TTC13: variants seen among roughly 807,000 people sequenced by gnomAD.
TTC13 encodes tetratricopeptide repeat protein 13.
TTC13 carries 62 observed loss-of-function variants against 120.0 expected under a neutral mutation model. The observed-to-expected ratio is 0.52, with a 90% CI of 0.42 to 0.64. The LOEUF (loss-of-function observed/expected upper bound fraction) is 0.64, where lower values mean the gene tolerates loss of function less well. Ranked by LOEUF, TTC13 falls within the 30% of genes least tolerant of loss-of-function variation. TTC13 has a pLI of 0.00. For missense variants in TTC13, 824 were observed against 1,050.2 expected, an observed-to-expected ratio of 0.78 and a Z score of 2.98; for synonymous variants, 384 against 393.5, an observed-to-expected ratio of 0.98 and a Z score of 0.28.
chr1:230,932,139 C>G (rs1283629673), intron 9 of TTC13, among the ~76,000 whole-genome samples: 2 of 152,122 alleles, frequency 1.3e-5, no homozygotes, highest in African/African-American at 4.8e-5. Context: ...TATTCAAACC[C>G]CTCTCCTTGA....
chr1:230,967,431 C>T (rs1677234225), intron 1 of TTC13, among the ~76,000 whole-genome samples: 1 of 151,734 alleles, frequency 6.6e-6, no homozygotes. Flanking sequence ...AACTTTAAAT[C>T]AGGAGAGCTT....
intron 1 of TTC13, among the ~76,000 whole-genome samples, chr1:230,971,287 A>T (rs555698231): frequency 7.1e-6 from 1 of 141,240 alleles, no homozygotes; most frequent in South Asian, 2.4e-4. Flanking sequence ...CAGAGCTTGC[A>T]GTGAGCCGAG....
rs997086820 is a variant in TTC13, at chr1:230,908,736, G to A, written c.2444C>T (p.Ala815Val). 2 of 1,613,376 alleles carry A rather than the reference G, an allele frequency of 1.2e-6. No homozygotes were observed. Among genetic ancestry groups the A allele is most frequent in the Admixed American group, 3.3e-5 (2 of 59,982 alleles). Residue 815 changes from alanine to valine, a missense_variant, in exon 22 of 23, where the codon GCC becomes GTC. Physicochemically the swap from Ala to Val is moderately conservative, Grantham distance 64 (BLOSUM62 0). Transcript: ENST00000366661. ...CCTTTTCAAGTTCATCCAGCTTTTG[G>A]CGACTTTGCTAAAGGCCTCTGAACC... ...APGSEAFSKV[A>V]KSWMNLKSIS... is the part of the protein sequence containing the mutation.
At chr1:230,946,382 A>G (rs1675000402) in intron 4 of TTC13, among the ~76,000 whole-genome samples, 1 of 152,244 alleles carries the variant, frequency 6.6e-6, no homozygotes, top group Non-Finnish European at 1.5e-5. Flanking sequence ...ATCTGCCAGT[A>G]TTATAGAAAA....
intron 1 of TTC13, among the ~76,000 whole-genome samples, chr1:230,968,193 G>T (rs1285810368): frequency 7.8e-6 from 1 of 128,474 alleles, no homozygotes; most frequent in Non-Finnish European, 1.7e-5. Context: ...GTGGGGGGGG[G>T]GCCTTTTTGT....
At chr1:230,916,721 G>A (rs1300762440) in intron 17 of TTC13, among the ~76,000 whole-genome samples, 13 of 152,156 alleles carry the variant, frequency 8.5e-5, no homozygotes, top group Non-Finnish European at 8.8e-5. Context: ...AGCAGAGACT[G>A]ATTTTTCTGA....
At chr1:230,929,260 G>A (rs1217017454) in intron 11 of TTC13, among the ~76,000 whole-genome samples, 167 bp from the exon 12 acceptor site, 1 of 151,900 alleles carries the variant, frequency 6.6e-6, no homozygotes, top group African/African-American at 2.4e-5. Context: ...GAGGTAACCT[G>A]CCACTGACTT....
intron 15 of TTC13, among the ~76,000 whole-genome samples, chr1:230,922,231 C>T (rs745985689): frequency 3.3e-5 from 5 of 152,304 alleles, no homozygotes; most frequent in Middle Eastern, 3.4e-3. Flanking sequence ...CCTCTAGCTC[C>T]ATGCCCTTCC....
At chr1:230,957,768 AT>A (rs1358303290) in intron 3 of TTC13, among the ~76,000 whole-genome samples, 2 of 151,894 alleles carry the variant, frequency 1.3e-5, no homozygotes, top group Non-Finnish European at 2.9e-5. Flanking sequence ...GTACGAATGA[AT>A]TCAATTTTTC....
At chr1:230,915,751 A>C (rs896178838) in intron 18 of TTC13, among the ~76,000 whole-genome samples, 2 of 151,992 alleles carry the variant, frequency 1.3e-5, no homozygotes, top group African/African-American at 4.8e-5. Flanking sequence ...ATAAGATTAT[A>C]CTACTCATTA....
chr1:230,967,914 T>C (rs1463586157), intron 1 of TTC13, among the ~76,000 whole-genome samples: 1 of 152,238 alleles, frequency 6.6e-6, no homozygotes, highest in Non-Finnish European at 1.5e-5. Flanking sequence ...TGCTGATTAC[T>C]ATAGAAACTG....
At chr1:230,926,687 A>G (rs1038146511) in intron 12 of TTC13, among the ~76,000 whole-genome samples, 1 of 152,196 alleles carries the variant, frequency 6.6e-6, no homozygotes, top group Non-Finnish European at 1.5e-5. Flanking sequence ...GCATCGAAAT[A>G]TTTCTCAAAA....
At chr1:230,913,325 C>T (rs1671694363) in intron 18 of TTC13, among the ~76,000 whole-genome samples, 1 of 152,198 alleles carries the variant, frequency 6.6e-6, no homozygotes, top group South Asian at 2.1e-4. Flanking sequence ...AGCTCAGCTG[C>T]TGCCTTGATT....
chr1:230,913,752 T>C (rs776595724), intron 18 of TTC13, among the ~76,000 whole-genome samples: 45 of 152,162 alleles, frequency 3.0e-4, no homozygotes, highest in Non-Finnish European at 5.3e-4. Context: ...AAAGGTCTCA[T>C]GGGAGAAGTG....
intron 3 of TTC13, among the ~76,000 whole-genome samples, chr1:230,957,252 C>T (rs1676176231): frequency 6.6e-6 from 1 of 152,154 alleles, no homozygotes; most frequent in African/African-American, 2.4e-5. Context: ...GCCTGGGCAA[C>T]ATGGTGAGTA....
rs938504604 is a variant in TTC13 at position 230,940,090 on chromosome 1, C to T, written c.789+350G>A. Reference sequence around the variant, plus strand: ...AAACCCAAAGAAATTCAAATTGTACCGCTAAGTTTAATAATCACATTGACA... The same window carrying T: ...AAACCCAAAGAAATTCAAATTGTACTGCTAAGTTTAATAATCACATTGACA... On this transcript the variant is annotated intron_variant, in intron 7 of 22. Coordinates refer to ENST00000366661, the MANE Select transcript of TTC13 (RefSeq NM_024525.5). This position sits in a 1 kb window ranked among gnomAD's most constrained non-coding sequence, Gnocchi z 4.1. 2.6e-5 allele frequency among the ~76,000 whole-genome samples: 4 copies of T among 152,244 alleles called. No homozygotes were observed. Among genetic ancestry groups the T allele is most frequent in the Middle Eastern group, 3.4e-3 (1 of 294 alleles).
At position 230,944,116 on chromosome 1, in the gene TTC13, T is replaced by G. The variant is rs1283904431; in HGVS notation, c.580-218A>C. Among the ~76,000 whole-genome samples, 2 of 152,204 alleles carry G rather than the reference T, an allele frequency of 1.3e-5. No homozygotes were observed. The highest frequency in any genetic ancestry group is 2.4e-5 in the African/African-American group (1 of 41,444). ...TACCTACTTACTCAACAATAACATG[T>G]TAGACCCGGCTACCTATCACAAATT... On this transcript the variant is annotated intron_variant, in intron 5 of 22. Coordinates refer to ENST00000366661, the MANE Select transcript of TTC13 (RefSeq NM_024525.5). The surrounding 1 kb of genome is among the most constrained non-coding windows in gnomAD (Gnocchi z 4.0).
At chr1:230,925,271 T>C (rs181328882) in intron 13 of TTC13, among the ~76,000 whole-genome samples, 51 of 152,342 alleles carry the variant, frequency 3.3e-4, no homozygotes, top group African/African-American at 1.1e-3. Flanking sequence ...GGATCAGCTG[T>C]CTGATTTTGA....
chr1:230,946,758 G>A (rs1373385546), intron 4 of TTC13, among the ~76,000 whole-genome samples: 1 of 152,086 alleles, frequency 6.6e-6, no homozygotes, highest in East Asian at 1.9e-4. Context: ...ACCCATCACA[G>A]CCACACTGCA....
Sources: allele counts gnomAD v4.1 joint callset (sites outside exome capture counted in the v4.1 genomes callset), GRCh38; gene constraint gnomAD v4.1.1; non-coding constraint Gnocchi (gnomAD v3.1); transcripts MANE v1.5; gene names NCBI Gene and HGNC (gene_info 2026-07-23, HGNC 2026-07-21).